Variants in SLIT2 observed in about 807,000 individuals in gnomAD.
SLIT2 encodes the protein slit homolog 2 protein.
A neutral mutation model predicts 185.7 loss-of-function variants in SLIT2; 41 were observed. The ratio of observed to expected loss-of-function variants is 0.22; its 90% CI spans 0.17 to 0.29. The LOEUF (loss-of-function observed/expected upper bound fraction) is 0.29, where lower values mean the gene tolerates loss of function less well. Among genes scored for constraint, SLIT2 ranks in the 10% least tolerant of loss-of-function variants. The pLI is 1.00. For missense variants in SLIT2, 1,571 were observed against 1,909.0 expected, an observed-to-expected ratio of 0.82 and a Z score of 3.30; for synonymous variants, 693 against 680.2, an observed-to-expected ratio of 1.02 and a Z score of -0.29.
intron 4 of SLIT2, among the ~76,000 whole-genome samples, chr4:20,344,209 T>G (rs1721198742): frequency 6.6e-6 from 1 of 152,166 alleles, no homozygotes; most frequent in Admixed American, 6.6e-5. Context: ...TTTGCTACCG[T>G]GGCTTACAAT....
intron 4 of SLIT2, among the ~76,000 whole-genome samples, chr4:20,410,219 G>A (rs984200711): frequency 5.7e-5 from 8 of 141,046 alleles, no homozygotes; most frequent in African/African-American, 2.1e-4. Context: ...TTTAAGTCTT[G>A]GTTTTTTTTC....
intron 4 of SLIT2, among the ~76,000 whole-genome samples, chr4:20,443,465 A>T (rs1003375245): frequency 2.0e-5 from 3 of 152,038 alleles, no homozygotes; most frequent in African/African-American, 7.2e-5. Context: ...TTTTGGCCCA[A>T]GCAGATAACT....
chr4:20,458,589 C>A (rs1396091711), intron 4 of SLIT2, among the ~76,000 whole-genome samples: 1 of 152,114 alleles, frequency 6.6e-6, no homozygotes, highest in African/African-American at 2.4e-5. Context: ...TATGGGTGAT[C>A]TTCAAATAAC....
At chr4:20,420,150 C>T (rs1398852463) in intron 4 of SLIT2, among the ~76,000 whole-genome samples, 3 of 152,122 alleles carry the variant, frequency 2.0e-5, no homozygotes, top group Admixed American at 6.6e-5. Context: ...AATAACTACC[C>T]GAACACAACT....
chr4:20,581,091 G>A (rs1560212758), intron 29 of SLIT2, among the ~76,000 whole-genome samples: 1 of 152,122 alleles, frequency 6.6e-6, no homozygotes, highest in Non-Finnish European at 1.5e-5. Flanking sequence ...CAAACTGGAG[G>A]CTTAAACAAC....
intron 33 of SLIT2, 57 bp from the exon 34 acceptor site, chr4:20,609,956 T>G: frequency 6.7e-6 from 10 of 1,492,626 alleles, no homozygotes; most frequent in Non-Finnish European, 9.0e-6. Flanking sequence ...GTAATTTAAC[T>G]ACCTTGCTTT....
chr4:20,253,676 A>C lies in SLIT2; in HGVS notation c.-140A>C. Reference sequence around the variant, plus strand: ...AGTGGGCTCTACTGCCTTGTTCCATATTATTTGGTGCACATTTTCCCTGGC... The same window carrying C: ...AGTGGGCTCTACTGCCTTGTTCCATCTTATTTGGTGCACATTTTCCCTGGC... On this transcript the variant is annotated 5_prime_UTR_variant, in exon 1 of 37. Coordinates refer to ENST00000504154, the MANE Select transcript of SLIT2 (RefSeq NM_004787.4). The C allele has an allele frequency of 1.0e-6, 1 of 965,894 alleles. No individual in the cohort carries two copies. The highest frequency in any genetic ancestry group is 1.5e-6 in the Non-Finnish European group (1 of 645,520). The allele number at this position is 965,894 out of a possible 1,614,324, so 59.8% of individuals were successfully genotyped here.
intron 33 of SLIT2, among the ~76,000 whole-genome samples, chr4:20,601,670 G>A (rs1728422351): frequency 6.6e-6 from 1 of 152,096 alleles, no homozygotes. Context: ...TCCTGGGCCA[G>A]GCCTTTACTA....
chr4:20,485,427 A>T (rs1196307109), intron 6 of SLIT2, among the ~76,000 whole-genome samples: 2 of 152,146 alleles, frequency 1.3e-5, no homozygotes, highest in East Asian at 3.8e-4. Context: ...ATAATAATAA[A>T]ACTAACAAAG....
At chr4:20,364,079 C>T (rs527727756) in intron 4 of SLIT2, among the ~76,000 whole-genome samples, 3 of 152,126 alleles carry the variant, frequency 2.0e-5, no homozygotes, top group African/African-American at 4.8e-5. Flanking sequence ...TTGAAAGGAA[C>T]GAGGAAGGGA....
chr4:20,594,954 G>A (rs1727855319), intron 30 of SLIT2, among the ~76,000 whole-genome samples: 1 of 152,132 alleles, frequency 6.6e-6, no homozygotes, highest in South Asian at 2.1e-4. Context: ...AAGCCACATG[G>A]TTAGAGCAGG....
At chr4:20,316,256 A>C (rs1421401556) in intron 4 of SLIT2, among the ~76,000 whole-genome samples, 1 of 152,032 alleles carries the variant, frequency 6.6e-6, no homozygotes, top group Non-Finnish European at 1.5e-5. Flanking sequence ...TTTGGCACTT[A>C]ATTTTTATTC....
intron 6 of SLIT2, 129 bp from the exon 7 acceptor site, chr4:20,486,071 C>G: frequency 1.5e-6 from 1 of 656,142 alleles, no homozygotes; most frequent in South Asian, 1.8e-5. Flanking sequence ...GTAGTGCATT[C>G]TCTATGTCAT....
At chr4:20,266,053 T>A (rs1180651682) in intron 3 of SLIT2, among the ~76,000 whole-genome samples, 1 of 151,858 alleles carries the variant, frequency 6.6e-6, no homozygotes, top group Non-Finnish European at 1.5e-5. Flanking sequence ...AGATAACTTG[T>A]ATAAACCTCT....
At chr4:20,568,796 AT>A (rs1725315776) in intron 28 of SLIT2, 68 bp from the exon 29 acceptor site, 1 of 1,417,872 alleles carries the variant, frequency 7.1e-7, no homozygotes, top group African/African-American at 1.4e-5. Context: ...GCTTTTTTCA[AT>A]ATTTAGACCA....
intron 4 of SLIT2, among the ~76,000 whole-genome samples, chr4:20,352,944 A>G (rs1722007386): frequency 6.6e-6 from 1 of 152,218 alleles, no homozygotes; most frequent in Non-Finnish European, 1.5e-5. Flanking sequence ...GACTTAGTGA[A>G]CAAATTTGCA....
At position 20,610,024 on chromosome 4, in the gene SLIT2, T is replaced by C; in HGVS notation, c.3704T>C (p.Ile1235Thr). ...TTTTTCCGTTGTAGTGTGGAGACAA[T>C]CAATGATGGAAACTTCCACATTGTG... Reference protein sequence around the residue: ...PASAIYSVETINDGNFHIVEL... With the variant: ...PASAIYSVETTNDGNFHIVEL... Residue 1235 changes from isoleucine to threonine, a missense_variant, in exon 34 of 37, where the codon ATC (isoleucine) becomes ACC (threonine). Around this residue, in one of 3 missense-constraint regions of SLIT2, gnomAD observed 146 missense variants for 247.4 expected, o/e 0.59. Coordinates refer to ENST00000504154, the MANE Select transcript of SLIT2 (RefSeq NM_004787.4). 1 of 1,612,546 alleles carries C rather than the reference T, an allele frequency of 6.2e-7. No individual in the cohort carries two copies.
chr4:20,368,836 G>C (rs1723341480), intron 4 of SLIT2, among the ~76,000 whole-genome samples: 1 of 152,026 alleles, frequency 6.6e-6, no homozygotes, highest in South Asian at 2.1e-4. Flanking sequence ...TGCACTTACA[G>C]GATGACAGAA....
At chr4:20,548,954 A>G (rs1723492744) in intron 23 of SLIT2, 103 bp from the exon 24 acceptor site, 2 of 688,116 alleles carry the variant, frequency 2.9e-6, no homozygotes, top group African/African-American at 1.8e-5. Flanking sequence ...TAACACTATC[A>G]GTTAATAAGA....
Sources: allele counts gnomAD v4.1 joint callset (sites outside exome capture counted in the v4.1 genomes callset), GRCh38; gene constraint gnomAD v4.1.1; regional missense constraint gnomAD v4.1.1; transcripts MANE v1.5; gene names NCBI Gene and HGNC (gene_info 2026-07-23, HGNC 2026-07-21).